The following CSMD2 variants were observed in gnomAD, a reference collection of about 807,000 sequenced individuals.
CSMD2 encodes the protein CUB and Sushi multiple domains 2, also known as CUB and sushi domain-containing protein 2.
Under a neutral mutation model 398.5 loss-of-function variants are expected in CSMD2, and 130 were observed. The observed-to-expected ratio is 0.33, with a 90% CI of 0.28 to 0.38. The LOEUF is 0.38. Ranked by LOEUF, CSMD2 falls within the 10% of genes least tolerant of loss-of-function variation. The pLI, the probability that CSMD2 is intolerant of heterozygous loss-of-function variation, is 1.00. For synonymous variants in CSMD2, 1,828 were observed against 1,908.5 expected (o/e 0.96, Z 1.10); for missense variants, 3,829 against 4,764.9 (o/e 0.80, Z 5.78).
chr1:33,868,735 T>TAACA (rs66519139), intron 5 of CSMD2, among the ~76,000 whole-genome samples: 12 of 150,924 alleles, frequency 8.0e-5, no homozygotes, highest in Admixed American at 1.3e-4. Context: ...GACTCCATCT[T>TAACA]AACAAACAAA....
At chr1:34,156,708 GGA>G (rs1255131098) in intron 1 of CSMD2, among the ~76,000 whole-genome samples, 1 of 152,160 alleles carries the variant, frequency 6.6e-6, no homozygotes, top group African/African-American at 2.4e-5. Flanking sequence ...AGATGGCACA[GGA>G]GATTCTCAAG....
At chr1:34,074,334 C>CCA (rs1656073418) in intron 2 of CSMD2, among the ~76,000 whole-genome samples, 1 of 152,220 alleles carries the variant, frequency 6.6e-6, no homozygotes, top group Non-Finnish European at 1.5e-5. Flanking sequence ...TGTGAACCAT[C>CCA]TTTCTTAGAA....
chr1:34,020,291 C>T (rs1570834971), intron 3 of CSMD2, among the ~76,000 whole-genome samples: 1 of 152,156 alleles, frequency 6.6e-6, no homozygotes, highest in Non-Finnish European at 1.5e-5. Flanking sequence ...CTCCACTTCC[C>T]AAGATTAGCT....
intron 25 of CSMD2, among the ~76,000 whole-genome samples, chr1:33,685,485 T>A (rs776867323): frequency 1.3e-5 from 2 of 152,220 alleles, no homozygotes; most frequent in Non-Finnish European, 2.9e-5. Flanking sequence ...TTGAACTGAA[T>A]GTTGTTACTG....
At chr1:33,666,833 A>G (rs886856466) in intron 25 of CSMD2, among the ~76,000 whole-genome samples, 1 of 152,152 alleles carries the variant, frequency 6.6e-6, no homozygotes, top group Non-Finnish European at 1.5e-5. Flanking sequence ...AGCAGCCAAG[A>G]GGAGACCGAG....
chr1:33,756,984 G>C (rs999742952), intron 13 of CSMD2, among the ~76,000 whole-genome samples: 1 of 152,024 alleles, frequency 6.6e-6, no homozygotes, highest in African/African-American at 2.4e-5. Flanking sequence ...GCCATAAAAA[G>C]TGATGAGTTC....
chr1:33,572,805 G>C (rs1659715274), intron 49 of CSMD2, 114 bp from the exon 50 acceptor site: 2 of 746,382 alleles, frequency 2.7e-6, no homozygotes, highest in East Asian at 6.0e-5. Flanking sequence ...CTAATTAAAG[G>C]GTAAAGTATC....
chr1:33,577,447 G>T lies in CSMD2; in HGVS notation c.7425C>A (p.Gly2475=), dbSNP rs1222964418. Residue 2475 remains glycine (G), a synonymous_variant, in exon 49 of 71, where the codon GGC becomes GGA. Transcript: ENST00000373381. ...GGGTGCTGGTCTGGCCTAGGATGAAGCCATGGAGTGGAGCCCTGGGCAGGC... is the reference window on the plus strand; with the variant it reads ...GGGTGCTGGTCTGGCCTAGGATGAATCCATGGAGTGGAGCCCTGGGCAGGC... The part of the protein sequence containing the change: ...YCSLPRAPLH[G]FILGQTSTQP... The T allele has an allele frequency of 6.2e-7, 1 of 1,613,766 alleles. No homozygotes were observed. Among genetic ancestry groups the T allele is most frequent in the Admixed American group, 1.7e-5 (1 of 60,010 alleles).
intron 3 of CSMD2, among the ~76,000 whole-genome samples, chr1:34,003,735 C>T (rs978598246): frequency 2.0e-5 from 3 of 152,198 alleles, no homozygotes; most frequent in Admixed American, 6.5e-5. Flanking sequence ...CCAGGCACCA[C>T]ACCCTGCCTC....
intron 5 of CSMD2, among the ~76,000 whole-genome samples, chr1:33,853,329 C>A (rs1162423141): frequency 1.3e-5 from 2 of 152,200 alleles, no homozygotes; most frequent in African/African-American, 2.4e-5. Context: ...GATAAGGATG[C>A]TTTGTCCCAT....
At chr1:33,664,027 A>G (rs573212150) in intron 25 of CSMD2, among the ~76,000 whole-genome samples, 1 of 152,282 alleles carries the variant, frequency 6.6e-6, no homozygotes, top group East Asian at 1.9e-4. Context: ...CAGTTTCTCC[A>G]CTGATGTCTT....
intron 1 of CSMD2, among the ~76,000 whole-genome samples, chr1:34,121,484 T>G (rs963190382): frequency 1.3e-5 from 2 of 152,222 alleles, no homozygotes; most frequent in African/African-American, 2.4e-5. Flanking sequence ...TTGTTCCCAC[T>G]TTTTATATCC....
intron 3 of CSMD2, among the ~76,000 whole-genome samples, chr1:34,003,058 C>T (rs894320463): frequency 2.0e-5 from 3 of 152,104 alleles, no homozygotes; most frequent in African/African-American, 7.2e-5. Context: ...TGCCCTGAAC[C>T]AGTAGAGAAG....
chr1:33,605,875 G>T, intron 41 of CSMD2: 1 of 1,613,430 alleles, frequency 6.2e-7, no homozygotes, highest in Non-Finnish European at 8.5e-7. Flanking sequence ...TCACAACCAG[G>T]ATCAAGATCC....
chr1:33,805,306 C>T (rs1448344095), intron 10 of CSMD2, among the ~76,000 whole-genome samples: 2 of 152,202 alleles, frequency 1.3e-5, no homozygotes, highest in African/African-American at 4.8e-5. Flanking sequence ...GGCCTAGCCT[C>T]CACCCTCACC....
chr1:34,006,558 C>T (rs7515286), intron 3 of CSMD2, among the ~76,000 whole-genome samples: 13,271 of 152,126 alleles, frequency 0.087, 1,109 homozygotes, highest in East Asian at 0.39. Context: ...TATTCTAGGG[C>T]TTATCAAACA....
At chr1:33,600,482 G>A (rs1022483354) in intron 44 of CSMD2, 2 of 521,910 alleles carry the variant, frequency 3.8e-6, no homozygotes, top group African/African-American at 3.8e-5. Flanking sequence ...TGCTCCTTGA[G>A]AGGTCAGCAG....
chr1:34,016,094 TTTAG>T (rs1285169558), intron 3 of CSMD2, among the ~76,000 whole-genome samples: 1 of 152,090 alleles, frequency 6.6e-6, no homozygotes, highest in African/African-American at 2.4e-5. Flanking sequence ...TATACATATA[TTTAG>T]TTAAGATTTA....
intron 15 of CSMD2, among the ~76,000 whole-genome samples, chr1:33,732,409 T>C (rs190148406): frequency 6.6e-6 from 1 of 152,272 alleles, no homozygotes; most frequent in East Asian, 1.9e-4. Context: ...TAAATAAGGT[T>C]AAATGAGGTC....
Sources: gnomAD v4.1 joint callset for allele counts (sites outside exome capture counted in the v4.1 genomes callset) on GRCh38, gnomAD v4.1.1 for gene constraint, MANE v1.5 for transcripts, NCBI Gene and HGNC (gene_info 2026-07-23, HGNC 2026-07-21) for gene names.